The following KCNH7 variants were observed in gnomAD, a reference collection of about 807,000 sequenced individuals.
The protein encoded by KCNH7 is potassium voltage-gated channel subfamily H member 7.
A neutral mutation model predicts 120.8 loss-of-function variants in KCNH7; 49 were observed. The observed-to-expected ratio is 0.41, with a 90% CI of 0.32 to 0.51. KCNH7 has a LOEUF of 0.51. Ranked by LOEUF, KCNH7 falls within the 20% of genes least tolerant of loss-of-function variation. The pLI is 0.38. For synonymous variants in KCNH7, 547 were observed against 516.1 expected, an observed-to-expected ratio of 1.06 and a Z score of -0.81; for missense variants, 1,097 against 1,446.6, an observed-to-expected ratio of 0.76 and a Z score of 3.92.
At chr2:162,460,146 G>T (rs1266466027) in intron 6 of KCNH7, among the ~76,000 whole-genome samples, 10 of 148,974 alleles carry the variant, frequency 6.7e-5, no homozygotes, top group Non-Finnish European at 1.5e-4. Context: ...GGCTCACTTT[G>T]CTCAGCCAGG....
At chr2:162,645,508 G>C (rs1559061430) in intron 2 of KCNH7, among the ~76,000 whole-genome samples, 1 of 152,070 alleles carries the variant, frequency 6.6e-6, no homozygotes, top group Admixed American at 6.6e-5. Context: ...ATGCTGATCT[G>C]AGGTCATTTG....
intron 2 of KCNH7, among the ~76,000 whole-genome samples, chr2:162,676,597 C>T (rs528628533): frequency 6.6e-6 from 1 of 151,524 alleles, no homozygotes; most frequent in African/African-American, 2.4e-5. Context: ...CTTTCAATTT[C>T]TATTTCAATG....
chr2:162,373,587 T>TG lies in KCNH7; in HGVS notation c.3206dup (p.Ala1070SerfsTer31), dbSNP rs1266218958. ...ATCCTGCTGTTACCATACTGTAGGC[T>TG]GGGGGGACCACAGTGGTTTGTTTCT... On this transcript the variant is annotated frameshift_variant, in exon 15 of 16. Coordinates refer to ENST00000332142, the MANE Select transcript of KCNH7 (RefSeq NM_033272.4). LOFTEE classifies it high-confidence loss of function. 1 of 1,584,216 alleles carries TG rather than the reference T, an allele frequency of 6.3e-7. No homozygotes were observed.
At chr2:162,672,058 G>A (rs1685379311) in intron 2 of KCNH7, among the ~76,000 whole-genome samples, 1 of 151,904 alleles carries the variant, frequency 6.6e-6, no homozygotes, top group Non-Finnish European at 1.5e-5. Flanking sequence ...ATAAAGCAAA[G>A]ATTGACAGAA....
intron 2 of KCNH7, among the ~76,000 whole-genome samples, chr2:162,799,092 C>T (rs1313093246): frequency 6.6e-6 from 1 of 151,954 alleles, no homozygotes; most frequent in Non-Finnish European, 1.5e-5. Context: ...TTACCAAAAA[C>T]CCACTGTGGG....
At chr2:162,668,207 C>T (rs1685213824) in intron 2 of KCNH7, among the ~76,000 whole-genome samples, 1 of 152,132 alleles carries the variant, frequency 6.6e-6, no homozygotes. Flanking sequence ...ATTATCTGAA[C>T]TTGACAGCTA....
chr2:162,738,294 CCTCT>C (rs1370382314), intron 2 of KCNH7, among the ~76,000 whole-genome samples: 1 of 152,038 alleles, frequency 6.6e-6, no homozygotes, highest in Admixed American at 6.6e-5. Flanking sequence ...GACCCTACTC[CCTCT>C]GTGTATAACT....
chr2:162,751,562 G>T (rs925260416), intron 2 of KCNH7, among the ~76,000 whole-genome samples: 1 of 151,558 alleles, frequency 6.6e-6, no homozygotes, highest in Non-Finnish European at 1.5e-5. Flanking sequence ...ATGTTAAAAA[G>T]AATTTTTTAC....
chr2:162,429,809 T>A (rs1219502829), intron 8 of KCNH7, among the ~76,000 whole-genome samples: 1 of 151,512 alleles, frequency 6.6e-6, no homozygotes, highest in Non-Finnish European at 1.5e-5. Context: ...TTTTATAGTT[T>A]TCATTAATTT....
At chr2:162,767,833 T>G (rs1407638955) in intron 2 of KCNH7, among the ~76,000 whole-genome samples, 1 of 152,162 alleles carries the variant, frequency 6.6e-6, no homozygotes, top group Non-Finnish European at 1.5e-5. Context: ...TTCAGGATTT[T>G]AAATTAATAT....
intron 2 of KCNH7, among the ~76,000 whole-genome samples, chr2:162,715,952 G>A (rs1687105098): frequency 6.8e-6 from 1 of 147,648 alleles, no homozygotes; most frequent in South Asian, 2.1e-4. Context: ...GTCTTTGTGT[G>A]TGTGTGTGTG....
At chr2:162,819,064 G>T (rs1685012092) in intron 2 of KCNH7, among the ~76,000 whole-genome samples, 1 of 152,088 alleles carries the variant, frequency 6.6e-6, no homozygotes, top group African/African-American at 2.4e-5. Context: ...AAGACAAGAA[G>T]AGCTGCATAA....
At chr2:162,404,967 A>T (rs1687165971) in intron 9 of KCNH7, among the ~76,000 whole-genome samples, 1 of 152,062 alleles carries the variant, frequency 6.6e-6, no homozygotes, top group Non-Finnish European at 1.5e-5. Context: ...TCAAATTTGG[A>T]CATTTATATT....
At chr2:162,479,292 C>T (rs571603541) in intron 6 of KCNH7, among the ~76,000 whole-genome samples, 2 of 150,748 alleles carry the variant, frequency 1.3e-5, no homozygotes, top group Non-Finnish European at 2.9e-5. Flanking sequence ...CTAAAGGATA[C>T]CCTTGTGTAT....
intron 2 of KCNH7, among the ~76,000 whole-genome samples, chr2:162,539,400 T>C (rs1261282839): frequency 6.6e-6 from 1 of 152,060 alleles, no homozygotes; most frequent in African/African-American, 2.4e-5. Context: ...GGGTGTACTG[T>C]TGACTATAAA....
intron 2 of KCNH7, among the ~76,000 whole-genome samples, chr2:162,648,531 CCT>C (rs566680925): frequency 7.7e-4 from 117 of 152,224 alleles, no homozygotes; most frequent in African/African-American, 2.7e-3. Flanking sequence ...TTTCCAGTTT[CCT>C]CTCTCTCTAC....
intron 2 of KCNH7, among the ~76,000 whole-genome samples, chr2:162,756,303 T>G (rs59165567): frequency 7.4e-4 from 113 of 152,232 alleles, no homozygotes; most frequent in African/African-American, 2.6e-3. Flanking sequence ...AGGTCATAGG[T>G]TTGAATGTAA....
At chr2:162,541,686 T>C (rs1379966778) in intron 2 of KCNH7, among the ~76,000 whole-genome samples, 7 of 152,046 alleles carry the variant, frequency 4.6e-5, no homozygotes, top group African/African-American at 1.7e-4. Flanking sequence ...CTGAGGCCTG[T>C]AAGAGGCGGG....
At chr2:162,538,347 A>T (rs1692183413) in intron 2 of KCNH7, among the ~76,000 whole-genome samples, 1 of 152,056 alleles carries the variant, frequency 6.6e-6, no homozygotes, top group Admixed American at 6.6e-5. Flanking sequence ...CTGATTTAGG[A>T]AATGTGTCCA....
Sources: gnomAD v4.1 joint callset for allele counts (sites outside exome capture counted in the v4.1 genomes callset) on GRCh38, gnomAD v4.1.1 for gene constraint, MANE v1.5 for transcripts, NCBI Gene and HGNC (gene_info 2026-07-23, HGNC 2026-07-21) for gene names.